FNIP2: variants seen among roughly 807,000 people sequenced by gnomAD.
The protein encoded by FNIP2 is folliculin-interacting protein 2.
FNIP2 carries 32 observed loss-of-function variants against 108.7 expected under a neutral mutation model. The ratio of observed to expected loss-of-function variants is 0.29; its 90% CI spans 0.22 to 0.40. The LOEUF (loss-of-function observed/expected upper bound fraction) is 0.40. Ranked by LOEUF, FNIP2 falls within the 10% of genes least tolerant of loss-of-function variation. The pLI is 1.00. For synonymous variants in FNIP2, 480 were observed against 496.7 expected (o/e 0.97, Z 0.45); for missense variants, 1,202 against 1,381.6 (o/e 0.87, Z 2.06).
intron 1 of FNIP2, among the ~76,000 whole-genome samples, chr4:158,819,587 G>T (rs1777766948): frequency 6.6e-6 from 1 of 152,236 alleles, no homozygotes; most frequent in South Asian, 2.1e-4. Context: ...GAAGAAAGGA[G>T]AGCCAACACA....
chr4:158,798,978 A>G (rs1206199336), intron 1 of FNIP2, among the ~76,000 whole-genome samples: 2 of 152,284 alleles, frequency 1.3e-5, no homozygotes, highest in Non-Finnish European at 2.9e-5. Flanking sequence ...AATGTAAGAG[A>G]GAAGGCTATT....
intron 14 of FNIP2, among the ~76,000 whole-genome samples, chr4:158,883,109 C>T (rs1296903204): frequency 1.3e-5 from 2 of 151,400 alleles, no homozygotes; most frequent in Admixed American, 6.6e-5. Context: ...AGCTAACACA[C>T]ACAAAAAAAA....
At chr4:158,857,161 T>A (rs1780031473) in intron 8 of FNIP2, among the ~76,000 whole-genome samples, 1 of 152,210 alleles carries the variant, frequency 6.6e-6, no homozygotes, top group South Asian at 2.1e-4. Context: ...TTATTATAAT[T>A]TGATTATTAA....
chr4:158,813,075 C>A (rs1476891296), intron 1 of FNIP2, among the ~76,000 whole-genome samples: 1 of 152,082 alleles, frequency 6.6e-6, no homozygotes, highest in African/African-American at 2.4e-5. Flanking sequence ...TAGTTCATTT[C>A]CTTTTTAGCA....
At chr4:158,867,748 T>C (rs903068146) in intron 12 of FNIP2, among the ~76,000 whole-genome samples, 22 of 152,236 alleles carry the variant, frequency 1.4e-4, no homozygotes, top group African/African-American at 5.1e-4. Context: ...TTCCAAGATA[T>C]AGTATTAGAT....
chr4:158,834,254 C>T (rs1320116266), intron 6 of FNIP2: 1 of 148,830 alleles, frequency 6.7e-6, no homozygotes, highest in Non-Finnish European at 1.5e-5. Flanking sequence ...CACGGAGTTT[C>T]ATTAAAAGTC....
intron 1 of FNIP2, among the ~76,000 whole-genome samples, chr4:158,803,618 G>A (rs1225038227): frequency 6.6e-6 from 1 of 152,124 alleles, no homozygotes; most frequent in South Asian, 2.1e-4. Flanking sequence ...TAATAGTTGT[G>A]GTTTTTTCAT....
chr4:158,822,046 C>T (rs914523444), intron 1 of FNIP2, among the ~76,000 whole-genome samples: 2 of 151,910 alleles, frequency 1.3e-5, no homozygotes, highest in Admixed American at 6.6e-5. Flanking sequence ...CGAGATGGCG[C>T]CACTGCACTC....
At chr4:158,807,945 T>C (rs972694320) in intron 1 of FNIP2, among the ~76,000 whole-genome samples, 2 of 152,214 alleles carry the variant, frequency 1.3e-5, no homozygotes, top group African/African-American at 4.8e-5. Context: ...CTATCTGTTT[T>C]TATCTGTTTC....
chr4:158,816,149 A>G (rs549374722), intron 1 of FNIP2, among the ~76,000 whole-genome samples: 14 of 152,258 alleles, frequency 9.2e-5, no homozygotes, highest in Admixed American at 1.3e-4. Flanking sequence ...ACAATTGTCT[A>G]TTTATTTTGG....
intron 8 of FNIP2, among the ~76,000 whole-genome samples, chr4:158,856,525 G>A (rs925145714): frequency 2.0e-5 from 3 of 152,132 alleles, no homozygotes; most frequent in Non-Finnish European, 2.9e-5. Flanking sequence ...TGACTCTCAG[G>A]GCTGTCGGTT....
intron 12 of FNIP2, among the ~76,000 whole-genome samples, chr4:158,863,908 A>C (rs2126686949): frequency 6.6e-6 from 1 of 152,326 alleles, no homozygotes; most frequent in South Asian, 2.1e-4. Context: ...GATTTAATAT[A>C]AGTTAAAATG....
chr4:158,879,921 A>G (rs1270177906), intron 14 of FNIP2, among the ~76,000 whole-genome samples: 2 of 150,346 alleles, frequency 1.3e-5, no homozygotes, highest in Non-Finnish European at 3.0e-5. Context: ...TAGAATGGCA[A>G]TAATTAAAAA....
At chr4:158,858,624 A>C (rs1379443017) in intron 8 of FNIP2, among the ~76,000 whole-genome samples, 3 of 152,166 alleles carry the variant, frequency 2.0e-5, no homozygotes, top group Non-Finnish European at 2.9e-5. Flanking sequence ...TGGGAAAGTA[A>C]TCCTGGAAGT....
chr4:158,899,852 T>C (rs1783045609), intron 16 of FNIP2, among the ~76,000 whole-genome samples: 1 of 152,240 alleles, frequency 6.6e-6, no homozygotes, highest in African/African-American at 2.4e-5. Flanking sequence ...CTCGTTCAGT[T>C]CTGCTCTGAT....
At position 158,870,365 on chromosome 4, in the gene FNIP2, G is replaced by T; in HGVS notation, c.2845G>T (p.Ala949Ser). 4 of 1,614,052 alleles carry T rather than the reference G, an allele frequency of 2.5e-6. No homozygotes were observed. The highest frequency in any genetic ancestry group is 3.4e-6 in the Non-Finnish European group (4 of 1,179,902). ...AAGGAACTTTGGCCGCTCACTTCTG[G>T]CGGGCTACTGCCCCACATACATGCC... is the stretch of plus-strand genomic sequence containing the variant. ...NVRNFGRSLLAGYCPTYMPDL... is the reference protein window; with the variant it reads ...NVRNFGRSLLSGYCPTYMPDL... Residue 949 changes from alanine (A) to serine (S), a missense_variant, in exon 14 of 17, where the codon GCG becomes TCG. Ala to Ser is a moderately conservative substitution (Grantham distance 99, BLOSUM62 1). Coordinates refer to ENST00000264433, the MANE Select transcript of FNIP2 (RefSeq NM_020840.3).
Position 158,899,524 on chromosome 4 carries a change from C to T in FNIP2, c.3266+3659C>T, listed in dbSNP as rs1042800325. Among the ~76,000 whole-genome samples the T allele has an allele frequency of 2.2e-3, 338 of 152,304 alleles. 4 individuals carry two copies. The highest frequency in any genetic ancestry group is 3.9e-4 in the East Asian group (2 of 5,194). On this transcript the variant is annotated intron_variant, in intron 16 of 16. Coordinates refer to ENST00000264433, the MANE Select transcript of FNIP2 (RefSeq NM_020840.3). ...AGGCTATTAATTACTGCCTCAATTT[C>T]AGAACTTGTTATCAGTCTATTCAGG...
chr4:158,823,503 T>G (rs1777998320), intron 1 of FNIP2, among the ~76,000 whole-genome samples: 1 of 152,238 alleles, frequency 6.6e-6, no homozygotes. Context: ...CTTGAACTCC[T>G]GACCTCAAGT....
At chr4:158,783,381 C>T (rs1054608452) in intron 1 of FNIP2, among the ~76,000 whole-genome samples, 2 of 152,176 alleles carry the variant, frequency 1.3e-5, no homozygotes, top group African/African-American at 4.8e-5. Flanking sequence ...CATCATTTTC[C>T]CTGCAGAGGT....
Sources: allele counts gnomAD v4.1 joint callset (sites outside exome capture counted in the v4.1 genomes callset), GRCh38; gene constraint gnomAD v4.1.1; transcripts MANE v1.5; gene names NCBI Gene and HGNC (gene_info 2026-07-23, HGNC 2026-07-21).